ROBO1: variants seen among roughly 807,000 people sequenced by gnomAD.
ROBO1 encodes the protein roundabout guidance receptor 1.
ROBO1 carries 149 observed loss-of-function variants against 195.9 expected under a neutral mutation model. The ratio of observed to expected loss-of-function variants is 0.76; its 90% CI spans 0.67 to 0.87. The LOEUF (loss-of-function observed/expected upper bound fraction) is 0.87. Ranked by LOEUF, ROBO1 falls within the 40% of genes least tolerant of loss-of-function variation. The pLI is 0.00. For missense variants in ROBO1, 1,933 were observed against 2,068.3 expected (o/e 0.93, Z 1.27); for synonymous variants, 816 against 733.2 (o/e 1.11, Z -1.82).
At chr3:79,662,764 G>A (rs369051945) in intron 1 of ROBO1, among the ~76,000 whole-genome samples, 7 of 151,934 alleles carry the variant, frequency 4.6e-5, no homozygotes, top group African/African-American at 1.5e-4. Flanking sequence ...CAATGGCAGC[G>A]AATATGAATA....
chr3:79,677,586 C>G (rs781532614), intron 1 of ROBO1, among the ~76,000 whole-genome samples: 5 of 151,994 alleles, frequency 3.3e-5, no homozygotes, highest in African/African-American at 4.8e-5. Flanking sequence ...GGGTCTCCCC[C>G]ACAACACGTG....
At chr3:78,868,129 C>T (rs2035295835) in intron 4 of ROBO1, among the ~76,000 whole-genome samples, 2 of 152,084 alleles carry the variant, frequency 1.3e-5, no homozygotes, top group African/African-American at 4.8e-5. Context: ...CCAATTACTA[C>T]TGACGTAAGG....
At chr3:78,760,096 T>C (rs2083057083) in intron 4 of ROBO1, among the ~76,000 whole-genome samples, 1 of 152,128 alleles carries the variant, frequency 6.6e-6, no homozygotes, top group Non-Finnish European at 1.5e-5. Context: ...GACGGTTTTA[T>C]ATGGGGAAAC....
At chr3:79,210,019 T>C (rs776271364) in intron 2 of ROBO1, among the ~76,000 whole-genome samples, 3 of 152,094 alleles carry the variant, frequency 2.0e-5, no homozygotes, top group Non-Finnish European at 4.4e-5. Flanking sequence ...AAAAGATCTC[T>C]ACAAGGAAAA....
chr3:78,728,861 A>G (rs1256981620), intron 5 of ROBO1, among the ~76,000 whole-genome samples: 1 of 152,230 alleles, frequency 6.6e-6, no homozygotes, highest in Non-Finnish European at 1.5e-5. Flanking sequence ...CCTGGGCTAC[A>G]TACACACAAG....
intron 8 of ROBO1, among the ~76,000 whole-genome samples, chr3:78,713,148 G>A (rs569222155): frequency 6.6e-6 from 1 of 152,160 alleles, no homozygotes; most frequent in East Asian, 1.9e-4. Flanking sequence ...GAGTAGTCTT[G>A]GCCTTAGAAA....
chr3:79,033,374 A>G (rs767016828), intron 3 of ROBO1, among the ~76,000 whole-genome samples: 3 of 152,110 alleles, frequency 2.0e-5, no homozygotes, highest in Non-Finnish European at 2.9e-5. Context: ...TTATTTACCA[A>G]TTAGAGTGAC....
intron 2 of ROBO1, among the ~76,000 whole-genome samples, chr3:79,359,959 A>C (rs552709780): frequency 2.4e-4 from 37 of 152,118 alleles, no homozygotes; most frequent in Admixed American, 1.0e-3. Flanking sequence ...GGAAGAAGAA[A>C]ACTTCCATCA....
chr3:79,566,617 T>C (rs1375092389), intron 2 of ROBO1, among the ~76,000 whole-genome samples: 3 of 152,098 alleles, frequency 2.0e-5, no homozygotes, highest in African/African-American at 4.8e-5. Flanking sequence ...CATCTTACCA[T>C]TGAGCACTTT....
chr3:79,549,229 A>T (rs1017912853), intron 2 of ROBO1, among the ~76,000 whole-genome samples: 1 of 152,234 alleles, frequency 6.6e-6, no homozygotes, highest in Non-Finnish European at 1.5e-5. Context: ...CAGATAGAAA[A>T]ACAATGGGAA....
chr3:79,270,635 T>A (rs574260597), intron 2 of ROBO1, among the ~76,000 whole-genome samples: 2 of 151,960 alleles, frequency 1.3e-5, no homozygotes, highest in South Asian at 4.1e-4. Context: ...ATTGTTAAGT[T>A]CTTGCTATTT....
intron 2 of ROBO1, among the ~76,000 whole-genome samples, chr3:79,157,006 G>C (rs2080870703): frequency 6.6e-6 from 1 of 151,834 alleles, no homozygotes; most frequent in Non-Finnish European, 1.5e-5. Context: ...GGGTGGGGAA[G>C]TGCAGCAAAC....
At chr3:79,619,586 C>T (rs1193165545) in intron 1 of ROBO1, among the ~76,000 whole-genome samples, 6 of 152,162 alleles carry the variant, frequency 3.9e-5, no homozygotes, top group Non-Finnish European at 7.3e-5. Flanking sequence ...GACTAGCTCT[C>T]CCCTACCTGC....
intron 1 of ROBO1, among the ~76,000 whole-genome samples, chr3:79,737,758 A>G (rs937113387): frequency 6.6e-6 from 1 of 152,202 alleles, no homozygotes; most frequent in Non-Finnish European, 1.5e-5. Context: ...AAGCACAGGA[A>G]ACTCATGACA....
At chr3:79,700,377 T>C (rs1455989592) in intron 1 of ROBO1, among the ~76,000 whole-genome samples, 2 of 151,274 alleles carry the variant, frequency 1.3e-5, no homozygotes, top group Non-Finnish European at 3.0e-5. Context: ...TATTTTCTTT[T>C]GGATATGTAC....
At chr3:79,486,177 A>T (rs1235221530) in intron 2 of ROBO1, among the ~76,000 whole-genome samples, 1 of 152,020 alleles carries the variant, frequency 6.6e-6, no homozygotes, top group African/African-American at 2.4e-5. Flanking sequence ...AGTCTCACAA[A>T]GTATTGTCTT....
At chr3:78,912,831 T>C (rs1472143358) in intron 4 of ROBO1, among the ~76,000 whole-genome samples, 10 of 152,130 alleles carry the variant, frequency 6.6e-5, no homozygotes, top group African/African-American at 2.2e-4. Flanking sequence ...ATCAGATGTT[T>C]AACAAAAAGA....
In ROBO1 at chr3:79,333,225, AAAG is replaced by A. The variant is rs1309924166; in HGVS notation, c.89-207689_89-207687del. Among the ~76,000 whole-genome samples, 7 of 151,574 alleles carry A rather than the reference AAAG, an allele frequency of 4.6e-5. No homozygotes were observed. The East Asian group carries it at 9.7e-4, about 21-fold the overall frequency. On this transcript the variant is annotated intron_variant, in intron 2 of 30. Transcript: ENST00000464233. The stretch of plus-strand genomic sequence containing the variant: ...CTGTCTAAAAAAAAAAAAAAACAGA[AAAG>A]AAAAAAATCAATTATGATCACGAAG...
rs146418958 is a variant in ROBO1 at position 79,226,706 on chromosome 3, G to A, written c.89-101167C>T. Among the ~76,000 whole-genome samples, 19 of 151,782 alleles carry A rather than the reference G, an allele frequency of 1.3e-4. No homozygotes were observed. The East Asian group carries it at 2.9e-3, about 23-fold the overall frequency. ...CAACATGAGCCACTAGTGCCACAAT[G>A]CCCAGCTAACTTTTTTGTTTTTTAG... On this transcript the variant is annotated intron_variant, in intron 2 of 30. Coordinates refer to ENST00000464233, the MANE Select transcript of ROBO1 (RefSeq NM_002941.4).
Sources: allele counts gnomAD v4.1 joint callset (sites outside exome capture counted in the v4.1 genomes callset), GRCh38; gene constraint gnomAD v4.1.1; transcripts MANE v1.5; gene names NCBI Gene and HGNC (gene_info 2026-07-23, HGNC 2026-07-21).